The following ESPL1 variants were observed in gnomAD, a reference collection of about 807,000 sequenced individuals.
ESPL1 encodes the protein separin.
In ESPL1, 50 loss-of-function variants were observed where a neutral mutation model predicts 217.2. The ratio of observed to expected loss-of-function variants is 0.23; its 90% CI spans 0.18 to 0.29. The LOEUF is 0.29. Ranked by LOEUF, ESPL1 falls within the 10% of genes least tolerant of loss-of-function variation. The probability of loss-of-function intolerance (pLI) is 1.00; values close to 1 mark genes in which losing one functional copy is unlikely to be tolerated. For synonymous variants in ESPL1, 994 were observed against 1,081.3 expected, an observed-to-expected ratio of 0.92 and a Z score of 1.58; for missense variants, 1,834 against 2,603.0, an observed-to-expected ratio of 0.70 and a Z score of 6.43.
At chr12:53,285,585 T>G (rs1202192209) in intron 17 of ESPL1, among the ~76,000 whole-genome samples, 1 of 151,930 alleles carries the variant, frequency 6.6e-6, no homozygotes, top group Non-Finnish European at 1.5e-5. Flanking sequence ...GGTGGGCGCC[T>G]GTAGTCCCAG....
intron 5 of ESPL1, among the ~76,000 whole-genome samples, chr12:53,271,172 G>GGTT (rs371461220): frequency 0.35 from 41,615 of 117,488 alleles, 9,816 homozygotes; most frequent in East Asian, 0.59. Context: ...ATATTTAAGT[G>GGTT]TTTTTTTTTT....
chr12:53,288,377 T>G, intron 19 of ESPL1, 36 bp downstream of exon 19: 2 of 1,556,828 alleles, frequency 1.3e-6, no homozygotes, highest in South Asian at 2.4e-5. Context: ...GGTGCATGTT[T>G]TGGGGGTTTG....
At position 53,289,668 on chromosome 12, in the gene ESPL1, T is replaced by A. The variant is rs541067683; in HGVS notation, c.5113+74T>A. The A allele has an allele frequency of 3.1e-6, 4 of 1,276,442 alleles. No homozygotes were observed. The South Asian group carries it at 5.4e-5, about 17-fold the overall frequency. The allele number at this position is 1,276,442 out of a possible 1,614,324, so 79.1% of individuals were successfully genotyped here. Reference sequence around the variant, plus strand: ...CTTACTTGGGAGCTGGGTGAAGGAGTTTTAGGCATTGGTTAGTTTACATAG... The same window carrying A: ...CTTACTTGGGAGCTGGGTGAAGGAGATTTAGGCATTGGTTAGTTTACATAG... On this transcript the variant is annotated intron_variant, in intron 22 of 30. Coordinates refer to ENST00000257934, the MANE Select transcript of ESPL1 (RefSeq NM_012291.5).
intron 3 of ESPL1, 105 bp downstream of exon 3, chr12:53,270,190 C>A: frequency 9.1e-7 from 1 of 1,103,084 alleles, no homozygotes; most frequent in Non-Finnish European, 1.3e-6. Context: ...CCTTGTTAAG[C>A]TGCTCTCTGG....
chr12:53,277,642 C>G lies in ESPL1; in HGVS notation c.2224+34C>G, dbSNP rs1261374400. On this transcript the variant is annotated intron_variant, in intron 10 of 30. Transcript: ENST00000257934. ...TAAATGGAGTGTGGCATGGGCATCT[C>G]CATGGCTTCCTAAGAGTGGAACAGG... 5 of 1,610,144 alleles carry G rather than the reference C, an allele frequency of 3.1e-6. No individual in the cohort carries two copies. In the East Asian group the frequency reaches 1.1e-4, roughly 36 times the overall value.
At position 53,277,178 on chromosome 12, in the gene ESPL1, A is replaced by G; in HGVS notation, c.2036A>G (p.Gln679Arg). The change falls in exon 9 of 31, where the codon CAG (glutamine) becomes CGG (arginine). Residue 679 changes from glutamine to arginine, a missense_variant. Gln to Arg is a conservative substitution (Grantham distance 43). This residue lies in a region of ESPL1 where 746 missense variants were observed against 1,077.0 expected (regional missense o/e 0.69). Transcript: ENST00000257934. ...ARDQLLDDKA[Q>R]ALLWLYICTL... Reference sequence around the variant, plus strand: ...GATCAGCTTCTGGACGATAAAGCACAGGCCTTGCTGTGGCTTTACATCTGT... The same window carrying G: ...GATCAGCTTCTGGACGATAAAGCACGGGCCTTGCTGTGGCTTTACATCTGT... 1 of 1,614,096 alleles carries G rather than the reference A, an allele frequency of 6.2e-7. No homozygotes were observed. The highest frequency in any genetic ancestry group is 8.5e-7 in the Non-Finnish European group (1 of 1,179,904).
chr12:53,288,990 C>A, intron 20 of ESPL1, 100 bp from the exon 21 acceptor site: 1 of 969,992 alleles, frequency 1.0e-6, no homozygotes, highest in Non-Finnish European at 1.6e-6. Context: ...TTGCTGTTTG[C>A]CATGTGGGAG....
chr12:53,284,317 G>A, intron 17 of ESPL1, 150 bp downstream of exon 17: 1 of 577,836 alleles, frequency 1.7e-6, no homozygotes, highest in Non-Finnish European at 3.1e-6. Context: ...GCGTGATCTT[G>A]GCTCACTGCA....
chr12:53,288,976 G>T, intron 20 of ESPL1, 114 bp from the exon 21 acceptor site: 1 of 858,080 alleles, frequency 1.2e-6, no homozygotes, highest in Non-Finnish European at 1.9e-6. Context: ...TTCATAAATG[G>T]TAGTTGCTGT....
At position 53,285,998 on chromosome 12, in the gene ESPL1, G is replaced by T; in HGVS notation, c.3262G>T (p.Val1088Phe). Reference protein sequence around the residue: ...HLQKGKQQAQVPCPPQLPEEE... With the variant: ...HLQKGKQQAQFPCPPQLPEEE... ...GCAGAAGGGGAAGCAGCAGGCCCAGGTCCCCTGTCCTCCACAGCTCCCAGA... is the reference window on the plus strand; with the variant it reads ...GCAGAAGGGGAAGCAGCAGGCCCAGTTCCCCTGTCCTCCACAGCTCCCAGA... Residue 1088 changes from valine to phenylalanine, a missense_variant, in exon 18 of 31, where the codon GTC becomes TTC. Physicochemically the swap from Val to Phe is conservative, Grantham distance 50. Coordinates refer to ENST00000257934, the MANE Select transcript of ESPL1 (RefSeq NM_012291.5). The T allele has an allele frequency of 1.3e-6, 2 of 1,593,658 alleles. No individual in the cohort carries two copies. Among genetic ancestry groups the T allele is most frequent in the Non-Finnish European group, 1.7e-6 (2 of 1,164,150 alleles).
At chr12:53,270,891 T>C in intron 5 of ESPL1, 93 bp downstream of exon 5, 1 of 1,399,378 alleles carries the variant, frequency 7.1e-7, no homozygotes, top group East Asian at 2.3e-5. Context: ...CTGACCACTG[T>C]GAGGGTTCCT....
In ESPL1 at chr12:53,268,835, G is replaced by T; in HGVS notation, c.69G>T (p.Leu23=). ...GCCAGAAGGAGGCTGAAGAGTTGCTGCCCGCCTTGAAGGTGGGGGTGCTGC... is the reference window on the plus strand; with the variant it reads ...GCCAGAAGGAGGCTGAAGAGTTGCTTCCCGCCTTGAAGGTGGGGGTGCTGC... ...LSSQKEAEEL[L]PALKEFLSNP... is the part of the protein sequence containing the mutation. The change falls in exon 2 of 31, where the codon CTG becomes CTT. Residue 23 remains leucine (L), a synonymous_variant. Transcript: ENST00000257934. 6.2e-7 allele frequency: 1 copy of T among 1,612,042 alleles called. No individual in the cohort carries two copies. Among genetic ancestry groups the T allele is most frequent in the South Asian group, 1.1e-5 (1 of 90,620 alleles).
At position 53,281,636 on chromosome 12, in the gene ESPL1, A is replaced by T; in HGVS notation, c.2619+10A>T. 6.2e-7 allele frequency: 1 copy of T among 1,608,668 alleles called. No homozygotes were observed. The highest frequency in any genetic ancestry group is 1.1e-5 in the South Asian group (1 of 90,090). On this transcript the variant is annotated intron_variant, in intron 13 of 30. Transcript: ENST00000257934. ...CTGGACTCACCAGAAGGTATTTCTCACTTTCTTAAACTCCGAAGGCCCTGG... is the reference window on the plus strand; with the variant it reads ...CTGGACTCACCAGAAGGTATTTCTCTCTTTCTTAAACTCCGAAGGCCCTGG...
chr12:53,292,496 TA>T lies in ESPL1; in HGVS notation c.5913-76del. ...CAGCTGTTGCAGCCCACCTTCTATC[TA>T]ATGATCCCTCTGCTGTCTTTGCCAC... On this transcript the variant is annotated intron_variant, in intron 28 of 30. Coordinates refer to ENST00000257934, the MANE Select transcript of ESPL1 (RefSeq NM_012291.5). The surrounding 1 kb of genome is among the most constrained non-coding windows in gnomAD (Gnocchi z 4.5). 3 of 1,402,982 alleles carry T rather than the reference TA, an allele frequency of 2.1e-6. No individual in the cohort carries two copies. The highest frequency in any genetic ancestry group is 3.0e-6 in the Non-Finnish European group (3 of 988,912). 86.9% of individuals were successfully genotyped at this position (1,402,982 alleles called of 1,614,324 possible).
intron 17 of ESPL1, among the ~76,000 whole-genome samples, chr12:53,284,552 G>A (rs948816643): frequency 4.6e-5 from 7 of 151,534 alleles, no homozygotes; most frequent in African/African-American, 1.7e-4. Flanking sequence ...CACCGCTCCC[G>A]GCCTTTGTTC....
intron 11 of ESPL1, among the ~76,000 whole-genome samples, chr12:53,278,810 C>T (rs1002389709): frequency 6.6e-6 from 1 of 151,936 alleles, no homozygotes; most frequent in Non-Finnish European, 1.5e-5. Context: ...AGGCCGGTCT[C>T]GATCTCCTCA....
At chr12:53,272,212 A>G (rs1353067626) in intron 5 of ESPL1, among the ~76,000 whole-genome samples, 2 of 152,224 alleles carry the variant, frequency 1.3e-5, no homozygotes, top group Admixed American at 6.5e-5. Flanking sequence ...GTTTGGGGGG[A>G]AAAGATAAAC....
Position 53,277,209 on chromosome 12 carries a change from G to C in ESPL1, c.2067G>C (p.Leu689=), listed in dbSNP as rs773276260. Residue 689 remains leucine, a synonymous_variant, in exon 9 of 31, where the codon CTG becomes CTC. Coordinates refer to ENST00000257934, the MANE Select transcript of ESPL1 (RefSeq NM_012291.5). ...QALLWLYICT[L]EAKMQEGIER... ...TGCTGTGGCTTTACATCTGTACTCT[G>C]GAAGCCAAAATGCAGGAAGTGAGTG... 1.4e-5 allele frequency: 23 copies of C among 1,609,868 alleles called. No individual in the cohort carries two copies. The East Asian group carries it at 4.9e-4, about 34-fold the overall frequency.
Position 53,281,541 on chromosome 12 carries a change from A to T in ESPL1, c.2534A>T (p.His845Leu). 1.2e-6 allele frequency: 2 copies of T among 1,613,818 alleles called. No individual in the cohort carries two copies. Among genetic ancestry groups the T allele is most frequent in the Non-Finnish European group, 1.7e-6 (2 of 1,179,730 alleles). ...GAAGAGGCAGCATCGAGCCTGAAGC[A>T]TCTCGATCAGACTACTGACACATAC... is the stretch of plus-strand genomic sequence containing the variant. ...HLEEAASSLKHLDQTTDTYLL... is the reference protein window; with the variant it reads ...HLEEAASSLKLLDQTTDTYLL... The change falls in exon 13 of 31, where the codon CAT (histidine) becomes CTT (leucine). Residue 845 changes from histidine to leucine, a missense_variant. Physicochemically the swap from His to Leu is moderately conservative, Grantham distance 99. Coordinates refer to ENST00000257934, the MANE Select transcript of ESPL1 (RefSeq NM_012291.5).
Sources: allele counts gnomAD v4.1 joint callset (sites outside exome capture counted in the v4.1 genomes callset), GRCh38; gene constraint gnomAD v4.1.1; regional missense constraint gnomAD v4.1.1; non-coding constraint Gnocchi (gnomAD v3.1); transcripts MANE v1.5; gene names NCBI Gene and HGNC (gene_info 2026-07-23, HGNC 2026-07-21).